GABRA3: variants seen among roughly 807,000 people sequenced by gnomAD.
GABRA3 encodes gamma-aminobutyric acid type A receptor subunit alpha3, also known as gamma-aminobutyric acid receptor subunit alpha-3.
Under a neutral mutation model 30.1 loss-of-function variants are expected in GABRA3, and 10 were observed. That is an observed-to-expected ratio of 0.33 (90% CI 0.20 to 0.56). The LOEUF is 0.56. Among genes scored for constraint, GABRA3 ranks in the 20% least tolerant of loss-of-function variants. The probability of loss-of-function intolerance (pLI) is 0.89; values close to 1 mark genes in which losing one functional copy is unlikely to be tolerated. For synonymous variants in GABRA3, 151 were observed against 146.8 expected (o/e 1.03, Z -0.21); for missense variants, 233 against 392.0 (o/e 0.59, Z 3.42).
rs1939441903 is a variant in GABRA3, at chrX:152,292,580, C to A, written c.263-7845G>T. Among the ~76,000 whole-genome samples the A allele has an allele frequency of 3.6e-5, 4 of 111,015 alleles. No homozygotes were observed. In the South Asian group the frequency reaches 1.5e-3, roughly 42 times the overall value. The stretch of plus-strand genomic sequence containing the variant: ...CTGCTCTGATCTTAATTATTTCTTG[C>A]CTTCTGATAGCTTTTGAATTTGCTT... On this transcript the variant is annotated intron_variant, in intron 3 of 9. Transcript: ENST00000370314.
intron 6 of GABRA3, among the ~76,000 whole-genome samples, chrX:152,216,628 C>T (rs1937730219): frequency 9.2e-6 from 1 of 108,981 alleles, no homozygotes; most frequent in Admixed American, 9.9e-5. Context: ...ATGGCGGTTA[C>T]CTGAGGCTGG....
intron 5 of GABRA3, among the ~76,000 whole-genome samples, chrX:152,237,349 A>T (rs1168537239): frequency 9.3e-6 from 1 of 107,013 alleles, no homozygotes; most frequent in African/African-American, 3.5e-5. Flanking sequence ...TGTTCCATTG[A>T]TCTATATCTC....
At chrX:152,281,472 C>A (rs746848653) in intron 4 of GABRA3, among the ~76,000 whole-genome samples, 2 of 111,998 alleles carry the variant, frequency 1.8e-5, no homozygotes, top group Admixed American at 1.9e-4. Flanking sequence ...ACACCAGCCT[C>A]ACCACAAGCC....
chrX:152,294,453 T>C (rs924527958), intron 3 of GABRA3, among the ~76,000 whole-genome samples: 1 of 111,671 alleles, frequency 9.0e-6, no homozygotes, highest in East Asian at 2.8e-4. Context: ...CACATAGTTC[T>C]CGTGCCATGG....
At chrX:152,247,464 G>GA (rs1186352243) in intron 5 of GABRA3, among the ~76,000 whole-genome samples, 4 of 111,324 alleles carry the variant, frequency 3.6e-5, no homozygotes, top group African/African-American at 9.8e-5. Context: ...ATGTAAAGGG[G>GA]AAAAAAGGTT....
At chrX:152,199,852 A>C (rs751712662) in intron 7 of GABRA3, among the ~76,000 whole-genome samples, 4 of 109,945 alleles carry the variant, frequency 3.6e-5, no homozygotes, top group Non-Finnish European at 7.6e-5. Flanking sequence ...ACACACACAC[A>C]CATAACACAC....
intron 1 of GABRA3, among the ~76,000 whole-genome samples, chrX:152,382,818 C>G (rs1371610393): frequency 9.0e-6 from 1 of 111,502 alleles, no homozygotes; most frequent in Non-Finnish European, 1.9e-5. Context: ...TGTCAAAAAT[C>G]AAAGGACCAT....
At chrX:152,201,270 C>T (rs4828691) in intron 7 of GABRA3, among the ~76,000 whole-genome samples, 17,525 of 111,303 alleles carry the variant, frequency 0.16, 1,023 homozygotes, top group Admixed American at 0.23. Context: ...TCACAATTCC[C>T]TCCATCCCAC....
intron 3 of GABRA3, among the ~76,000 whole-genome samples, chrX:152,295,597 T>C (rs752245344): frequency 8.0e-5 from 9 of 112,831 alleles, no homozygotes; most frequent in Non-Finnish European, 1.3e-4. Context: ...CCAGGTAGTG[T>C]CTTTCACAGC....
At chrX:152,238,001 T>C (rs1372749062) in intron 5 of GABRA3, among the ~76,000 whole-genome samples, 3 of 109,704 alleles carry the variant, frequency 2.7e-5, no homozygotes, top group African/African-American at 1.0e-4. Context: ...TCCTGCCTGA[T>C]TGCCCTGGCC....
intron 7 of GABRA3, among the ~76,000 whole-genome samples, chrX:152,200,939 G>A (rs901166293): frequency 2.7e-5 from 3 of 111,638 alleles, no homozygotes; most frequent in Admixed American, 9.5e-5. Context: ...GAGGTGAAAG[G>A]AATTCTCTTT....
chrX:152,404,883 T>C (rs938343350), intron 1 of GABRA3, among the ~76,000 whole-genome samples: 13 of 108,024 alleles, frequency 1.2e-4, no homozygotes, highest in African/African-American at 3.0e-4. Flanking sequence ...TCTTAAAAAA[T>C]AGTTTAGAGG....
At chrX:152,243,312 T>C (rs1284249704) in intron 5 of GABRA3, among the ~76,000 whole-genome samples, 1 of 111,819 alleles carries the variant, frequency 8.9e-6, no homozygotes, top group Non-Finnish European at 1.9e-5. Context: ...GTTTTATATA[T>C]TTAAAAATCG....
intron 3 of GABRA3, among the ~76,000 whole-genome samples, chrX:152,325,362 T>C (rs1353330592): frequency 3.6e-5 from 4 of 111,516 alleles, no homozygotes; most frequent in African/African-American, 9.8e-5. Context: ...TCTCCCAGCA[T>C]GGAGTTTGAG....
At chrX:152,224,637 C>T in intron 6 of GABRA3, 126 bp downstream of exon 6, 3 of 447,738 alleles carry the variant, frequency 6.7e-6, no homozygotes, top group South Asian at 5.5e-5. Flanking sequence ...CTGACCCACC[C>T]TGATACCAGC....
intron 8 of GABRA3, among the ~76,000 whole-genome samples, chrX:152,192,906 C>T (rs1407018543): frequency 8.9e-6 from 1 of 112,246 alleles, no homozygotes; most frequent in Non-Finnish European, 1.9e-5. Flanking sequence ...TCAACCTCTT[C>T]TCTGAATGCA....
In GABRA3 at chrX:152,221,680, C is replaced by G. The variant is rs138431800; in HGVS notation, c.634+3083G>C. 7.7e-3 allele frequency among the ~76,000 whole-genome samples: 857 copies of G among 111,658 alleles called. 9 individuals are homozygous for G. Among genetic ancestry groups the G allele is most frequent in the African/African-American group, 0.026 (801 of 30,791 alleles). On this transcript the variant is annotated intron_variant, in intron 6 of 9. Coordinates refer to ENST00000370314, the MANE Select transcript of GABRA3 (RefSeq NM_000808.4). Reference sequence around the variant, plus strand: ...TTATTGCTTTTGCTCCTTTATCTGCCTGTTTATCCTCTGCAAATTACACAT... The same window carrying G: ...TTATTGCTTTTGCTCCTTTATCTGCGTGTTTATCCTCTGCAAATTACACAT...
intron 6 of GABRA3, among the ~76,000 whole-genome samples, chrX:152,216,202 A>G (rs1476375449): frequency 9.0e-6 from 1 of 110,665 alleles, no homozygotes; most frequent in Non-Finnish European, 1.9e-5. Context: ...AAAATTAAAA[A>G]CCGAATTACC....
intron 6 of GABRA3, among the ~76,000 whole-genome samples, chrX:152,218,389 C>G (rs180948580): frequency 8.2e-4 from 91 of 110,707 alleles, no homozygotes; most frequent in African/African-American, 2.9e-3. Context: ...ATATGGTCTA[C>G]CTCAGAAAAT....
Sources: allele counts gnomAD v4.1 joint callset (sites outside exome capture counted in the v4.1 genomes callset), GRCh38; gene constraint gnomAD v4.1.1; transcripts MANE v1.5; gene names NCBI Gene and HGNC (gene_info 2026-07-23, HGNC 2026-07-21).